Variants in RFFL observed in about 807,000 individuals in gnomAD.
RFFL encodes ring finger and FYVE like domain containing E3 ubiquitin protein ligase, also known as E3 ubiquitin-protein ligase rififylin.
Under a neutral mutation model 40.4 loss-of-function variants are expected in RFFL, and 16 were observed. The ratio of observed to expected loss-of-function variants is 0.40; its 90% confidence interval spans 0.27 to 0.60. RFFL has a LOEUF of 0.60. Ranked by LOEUF, RFFL falls within the 20% of genes least tolerant of loss-of-function variation. RFFL has a pLI of 0.47. For missense variants in RFFL, 367 were observed against 451.7 expected, an observed-to-expected ratio of 0.81 and a Z score of 1.70; for synonymous variants, 154 against 167.9, an observed-to-expected ratio of 0.92 and a Z score of 0.64.
chr17:35,020,523 C>T (rs1031644078), intron 3 of RFFL, among the ~76,000 whole-genome samples: 1 of 151,434 alleles, frequency 6.6e-6, no homozygotes, highest in Non-Finnish European at 1.5e-5. Context: ...AACCAACGCA[C>T]CCCAGTCTGT....
chr17:35,012,032 C>G lies in RFFL; in HGVS notation c.1028G>C (p.Arg343Pro), dbSNP rs777744327. The change falls in exon 7 of 7, where the codon CGC becomes CCC. Residue 343 changes from arginine (R) to proline (P), a missense_variant. Coordinates refer to ENST00000394597, the MANE Select transcript of RFFL (RefSeq NM_001017368.2). Reference protein sequence around the residue: ...HMVTCTKCGKRMNECPICRQY... With the variant: ...HMVTCTKCGKPMNECPICRQY... Reference sequence around the variant, plus strand: ...CCGGCAGATGGGACATTCATTCATGCGCTTGCCACACTTGGTACAGGTTAC... The same window carrying G: ...CCGGCAGATGGGACATTCATTCATGGGCTTGCCACACTTGGTACAGGTTAC... The G allele has an allele frequency of 2.5e-6, 4 of 1,614,162 alleles. No homozygotes were observed. Among genetic ancestry groups the G allele is most frequent in the Non-Finnish European group, 3.4e-6 (4 of 1,180,032 alleles).
intron 2 of RFFL, chr17:35,025,159 T>C (rs1216629231): frequency 6.6e-6 from 1 of 152,190 alleles, no homozygotes; most frequent in African/African-American, 2.4e-5. Context: ...TAATTCATTT[T>C]CCAATAAGTA....
chr17:35,041,778 A>G (rs2091167343), intron 1 of RFFL, among the ~76,000 whole-genome samples: 1 of 152,150 alleles, frequency 6.6e-6, no homozygotes, highest in African/African-American at 2.4e-5. Flanking sequence ...GCACTCTGGG[A>G]GGCCAAGGCA....
chr17:35,027,477 C>A (rs1470106532), intron 1 of RFFL, among the ~76,000 whole-genome samples: 2 of 152,164 alleles, frequency 1.3e-5, no homozygotes, highest in Non-Finnish European at 2.9e-5. Flanking sequence ...GTAATCCCAG[C>A]ACTTTGGGAG....
chr17:35,039,873 C>T (rs2091151877), intron 1 of RFFL, among the ~76,000 whole-genome samples: 1 of 151,986 alleles, frequency 6.6e-6, no homozygotes, highest in Non-Finnish European at 1.5e-5. Flanking sequence ...GACGGCTTCT[C>T]CATGTCGGTC....
Position 35,011,815 on chromosome 17 carries a change from G to T in RFFL, c.*153C>A. 4 of 692,340 alleles carry T rather than the reference G, an allele frequency of 5.8e-6. No individual in the cohort carries two copies. Among genetic ancestry groups the T allele is most frequent in the Middle Eastern group, 4.1e-4 (1 of 2,444 alleles). The allele number at this position is 692,340 out of a possible 1,614,324, so 42.9% of individuals were successfully genotyped here. A position where few individuals can be genotyped will look rare whatever the true frequency, so the allele number is the denominator to read the frequency against. ...AAGAGGTACACCCCTGGGAAGACAG[G>T]CATGCTCAGGGGTGACATGGCATCT... On this transcript the variant is annotated 3_prime_UTR_variant, in exon 7 of 7. Coordinates refer to ENST00000394597, the MANE Select transcript of RFFL (RefSeq NM_001017368.2).
At chr17:35,023,962 G>T (rs2091025750) in intron 2 of RFFL, among the ~76,000 whole-genome samples, 2 of 152,174 alleles carry the variant, frequency 1.3e-5, no homozygotes, top group African/African-American at 4.8e-5. Context: ...GGAAAAAAGG[G>T]CTGTCAACAA....
At chr17:35,057,834 A>G (rs2091269470) in intron 1 of RFFL, among the ~76,000 whole-genome samples, 1 of 151,818 alleles carries the variant, frequency 6.6e-6, no homozygotes, top group African/African-American at 2.4e-5. Flanking sequence ...TTCAAATATC[A>G]CTTCATTCAA....
intron 1 of RFFL, among the ~76,000 whole-genome samples, chr17:35,046,841 A>C (rs1271976862): frequency 1.3e-5 from 2 of 152,206 alleles, no homozygotes; most frequent in Non-Finnish European, 2.9e-5. Context: ...CTTAGTGTGG[A>C]GTTTAGGAGA....
At chr17:35,038,556 T>A (rs972326096) in intron 1 of RFFL, among the ~76,000 whole-genome samples, 4 of 152,116 alleles carry the variant, frequency 2.6e-5, no homozygotes, top group African/African-American at 9.7e-5. Context: ...CCATCAACGG[T>A]AGAATTATGA....
intron 1 of RFFL, among the ~76,000 whole-genome samples, chr17:35,046,010 G>C (rs1389643837): frequency 6.8e-6 from 1 of 146,068 alleles, no homozygotes; most frequent in East Asian, 2.1e-4. Flanking sequence ...GGCTGACAGA[G>C]TGAGACTCTG....
In RFFL at chr17:35,023,855, C is replaced by G. The variant is rs550324946; in HGVS notation, c.181-2074G>C. ...TGCACCCGCTGGCTCACAGGGAACT[C>G]TGAAATAAGCTGGCATCTGAAACAC... On this transcript the variant is annotated intron_variant, in intron 2 of 6. Coordinates refer to ENST00000394597, the MANE Select transcript of RFFL (RefSeq NM_001017368.2). Among the ~76,000 whole-genome samples, 8 of 152,270 alleles carry G rather than the reference C, an allele frequency of 5.3e-5. No individual in the cohort carries two copies. The East Asian group carries it at 1.4e-3, about 26-fold the overall frequency.
chr17:35,060,154 C>G (rs1487698789), intron 1 of RFFL, among the ~76,000 whole-genome samples: 4 of 152,200 alleles, frequency 2.6e-5, no homozygotes, highest in Non-Finnish European at 2.9e-5. Context: ...ACCAGGGCAG[C>G]AGGTTTTCAC....
intron 3 of RFFL, among the ~76,000 whole-genome samples, chr17:35,018,308 C>T (rs1296049789): frequency 1.3e-5 from 2 of 152,190 alleles, no homozygotes; most frequent in African/African-American, 4.8e-5. Flanking sequence ...TAGCCTAACA[C>T]TATATAAAAC....
intron 6 of RFFL, among the ~76,000 whole-genome samples, 181 bp downstream of exon 6, chr17:35,014,559 A>T (rs1340391576): frequency 6.6e-6 from 1 of 152,176 alleles, no homozygotes; most frequent in Non-Finnish European, 1.5e-5. Flanking sequence ...CTTCCTGCAC[A>T]GCGAGCAGAG....
At chr17:35,026,825 C>T (rs898903896) in intron 1 of RFFL, among the ~76,000 whole-genome samples, 3 of 152,170 alleles carry the variant, frequency 2.0e-5, no homozygotes, top group African/African-American at 7.2e-5. Flanking sequence ...CCAGCCTCAG[C>T]CTCCCAAGTA....
chr17:35,016,655 G>T, intron 4 of RFFL, 75 bp from the exon 5 acceptor site: 1 of 1,198,166 alleles, frequency 8.3e-7, no homozygotes, highest in East Asian at 2.3e-5. Context: ...CCCCAAAGCA[G>T]TCACCACATC....
rs113990206 is a variant in RFFL, at chr17:35,035,526, A to G, written c.-8-8965T>C. Among the ~76,000 whole-genome samples, 726 of 152,012 alleles carry G rather than the reference A, an allele frequency of 4.8e-3. 8 individuals are homozygous for G. Among genetic ancestry groups the G allele is most frequent in the African/African-American group, 0.017 (689 of 41,502 alleles). Reference sequence around the variant, plus strand: ...GAAGGGGGTTATTACAGGAAAGATCAGGTAGTGGCAAGATTCTCCAGTGTT... The same window carrying G: ...GAAGGGGGTTATTACAGGAAAGATCGGGTAGTGGCAAGATTCTCCAGTGTT... On this transcript the variant is annotated intron_variant, in intron 1 of 6. Coordinates refer to ENST00000394597, the MANE Select transcript of RFFL (RefSeq NM_001017368.2).
chr17:35,048,906 T>C (rs2091215960), intron 1 of RFFL, among the ~76,000 whole-genome samples: 1 of 152,178 alleles, frequency 6.6e-6, no homozygotes. Context: ...TCTGAAATGT[T>C]TTCTGCTCCT....
Sources: gnomAD v4.1 joint callset for allele counts (sites outside exome capture counted in the v4.1 genomes callset) on GRCh38, gnomAD v4.1.1 for gene constraint, MANE v1.5 for transcripts, NCBI Gene and HGNC (gene_info 2026-07-23, HGNC 2026-07-21) for gene names.